Variants in CLDND2 observed in about 807,000 individuals in gnomAD.
The protein encoded by CLDND2 is claudin domain containing 2, also known as claudin domain-containing protein 2.
CLDND2 carries 18 observed loss-of-function variants against 17.7 expected under a neutral mutation model. That is an observed-to-expected ratio of 1.02 (90% CI 0.70 to 1.51). CLDND2 has a LOEUF of 1.51. CLDND2 is among the 40% of genes most tolerant of loss of function. The pLI is 0.00. For synonymous variants in CLDND2, 113 were observed against 93.0 expected (o/e 1.22, Z -1.24); for missense variants, 233 against 219.6 (o/e 1.06, Z -0.39).
intron 1 of CLDND2, 173 bp downstream of exon 1, chr19:51,368,236 G>A: frequency 2.1e-6 from 2 of 931,840 alleles, no homozygotes; most frequent in Non-Finnish European, 3.2e-6. Context: ...GGAGGGGGTC[G>A]GGGACAAGCC....
At position 51,368,015 on chromosome 19, in the gene CLDND2, C is replaced by T; in HGVS notation, c.181G>A (p.Val61Met). The T allele has an allele frequency of 1.2e-6, 2 of 1,610,036 alleles. No homozygotes were observed. The highest frequency in any genetic ancestry group is 1.3e-5 in the African/African-American group (1 of 74,956). The stretch of plus-strand genomic sequence containing the variant: ...GCCAGCACCATGCACGCCACAGTCA[C>T]CGCCAGCGTGGCTGGGGAGAGCGGG... ...SSIPCQTTLA[V>M]TVACMVLAVG... The change falls in exon 2 of 4, where the codon GTG becomes ATG. Residue 61 changes from valine (V) to methionine (M), a missense_variant. Val to Met is a conservative substitution (Grantham distance 21). Transcript: ENST00000291715.
chr19:51,367,501 G>A lies in CLDND2; in HGVS notation c.386C>T (p.Ser129Phe). 1 of 1,608,276 alleles carries A rather than the reference G, an allele frequency of 6.2e-7. No individual in the cohort carries two copies. Among genetic ancestry groups the A allele is most frequent in the Non-Finnish European group, 8.5e-7 (1 of 1,177,054 alleles). The part of the protein sequence containing the change: ...AWKNNVFFSW[S>F]YFSGWLALPF... ...TAAGGCCAGCCACCCAGAAAAATAGGACCAAGAGAAGAAGACGTTGTTCTT... is the reference window on the plus strand; with the variant it reads ...TAAGGCCAGCCACCCAGAAAAATAGAACCAAGAGAAGAAGACGTTGTTCTT... The change falls in exon 3 of 4, where the codon TCC becomes TTC. Residue 129 changes from serine (S) to phenylalanine (F), a missense_variant. Physicochemically the swap from Ser to Phe is radical, Grantham distance 155 (BLOSUM62 -2). Coordinates refer to ENST00000291715, the MANE Select transcript of CLDND2 (RefSeq NM_152353.3). The surrounding 1 kb of genome is among the most constrained non-coding windows in gnomAD (Gnocchi z 7.4).
At position 51,367,267 on chromosome 19, in the gene CLDND2, A is replaced by T; in HGVS notation, c.431-52T>A. 2 of 1,594,036 alleles carry T rather than the reference A, an allele frequency of 1.3e-6. No homozygotes were observed. Among genetic ancestry groups the T allele is most frequent in the South Asian group, 2.2e-5 (2 of 90,632 alleles). On this transcript the variant is annotated intron_variant, in intron 3 of 3. Transcript: ENST00000291715. This position sits in a 1 kb window ranked among gnomAD's most constrained non-coding sequence, Gnocchi z 7.4. ...GAGAGGAAGGTGGGCCCTGGGGCGG[A>T]TGGCCGGGAGGGCCCCGGGGACTGG...
Position 51,367,342 on chromosome 19 carries a change from G to A in CLDND2, c.430+115C>T. On this transcript the variant is annotated intron_variant, in intron 3 of 3. Transcript: ENST00000291715. The surrounding 1 kb of genome is among the most constrained non-coding windows in gnomAD (Gnocchi z 7.4). ...TGCCGGGTCTGCGGGAGTCGTTAGT[G>A]TGTTGGGGAGTCCCCGAGAGGTCCC... The A allele has an allele frequency of 7.4e-7, 1 of 1,352,880 alleles. No homozygotes were observed. The highest frequency in any genetic ancestry group is 1.0e-6 in the Non-Finnish European group (1 of 963,090). The allele number at this position is 1,352,880 out of a possible 1,614,324, so 83.8% of individuals were successfully genotyped here. A position where few individuals can be genotyped will look rare whatever the true frequency, so the allele number is the denominator to read the frequency against.
In CLDND2 at chr19:51,367,159, A is replaced by C; in HGVS notation, c.487T>G (p.Phe163Val). 6.2e-7 allele frequency: 1 copy of C among 1,614,242 alleles called. No individual in the cohort carries two copies. Among genetic ancestry groups the C allele is most frequent in the East Asian group, 2.2e-5 (1 of 44,878 alleles). Reference protein sequence around the residue: ...IMQSTDAISGFPVCL With the variant: ...IMQSTDAISGVPVCL ...GGCTGCAGTCACAGACACACGGGGA[A>C]TCCACTGATGGCGTCGGTGCTCTGC... Residue 163 changes from phenylalanine to valine, a missense_variant, in exon 4 of 4, where the codon TTC (phenylalanine) becomes GTC (valine). Coordinates refer to ENST00000291715, the MANE Select transcript of CLDND2 (RefSeq NM_152353.3). The surrounding 1 kb of genome is among the most constrained non-coding windows in gnomAD (Gnocchi z 7.4).
Position 51,368,634 on chromosome 19 carries a change from C to T in CLDND2, c.-57G>A. 1 of 1,487,256 alleles carries T rather than the reference C, an allele frequency of 6.7e-7. No individual in the cohort carries two copies. The highest frequency in any genetic ancestry group is 2.4e-5 in the East Asian group (1 of 41,650). The allele number at this position is 1,487,256 out of a possible 1,614,324, so 92.1% of individuals were successfully genotyped here. ...GCAGGATGGGCCCAGGCCTTTCCTACCCCGAGGCCCCCAGCTGAGGAGCCC... is the reference window on the plus strand; with the variant it reads ...GCAGGATGGGCCCAGGCCTTTCCTATCCCGAGGCCCCCAGCTGAGGAGCCC... On this transcript the variant is annotated 5_prime_UTR_variant, in exon 1 of 4. Coordinates refer to ENST00000291715, the MANE Select transcript of CLDND2 (RefSeq NM_152353.3).
downstream of CLDND2, chr19:51,366,995 T>A (rs548057398): frequency 3.5e-4 from 253 of 715,388 alleles, 1 homozygote; most frequent in South Asian, 2.0e-3. Context: ...TCTCCCTGTC[T>A]CCACGTTCCC....
rs1194675744 is a variant in CLDND2, at chr19:51,367,428, C to T, written c.430+29G>A. On this transcript the variant is annotated intron_variant, in intron 3 of 3. Transcript: ENST00000291715. This position sits in a 1 kb window ranked among gnomAD's most constrained non-coding sequence, Gnocchi z 7.4. ...GGGTGAGGGTCTTCTGGGCAGTCTC[C>T]TCCACCCTCTTCCCGCTGTCCAGTT... 1 of 1,581,580 alleles carries T rather than the reference C, an allele frequency of 6.3e-7. No homozygotes were observed. The highest frequency in any genetic ancestry group is 8.6e-7 in the Non-Finnish European group (1 of 1,161,476).
chr19:51,367,490 C>A lies in CLDND2; in HGVS notation c.397G>T (p.Gly133Trp). 1.2e-6 allele frequency: 2 copies of A among 1,606,044 alleles called. No homozygotes were observed. Among genetic ancestry groups the A allele is most frequent in the Non-Finnish European group, 8.5e-7 (1 of 1,175,804 alleles). The part of the protein sequence containing the change: ...NVFFSWSYFS[G>W]WLALPFSILA... ...ATTGAGAAGGGTAAGGCCAGCCACC[C>A]AGAAAAATAGGACCAAGAGAAGAAG... Residue 133 changes from glycine (G) to tryptophan (W), a missense_variant, in exon 3 of 4, where the codon GGG (glycine) becomes TGG (tryptophan). Physicochemically the swap from Gly to Trp is radical, Grantham distance 184. Coordinates refer to ENST00000291715, the MANE Select transcript of CLDND2 (RefSeq NM_152353.3). This position sits in a 1 kb window ranked among gnomAD's most constrained non-coding sequence, Gnocchi z 7.4.
At chr19:51,366,816 C>G (rs144328829), downstream of CLDND2, among the ~76,000 whole-genome samples, 172 of 152,164 alleles carry the variant, frequency 1.1e-3, no homozygotes, top group East Asian at 0.03. Flanking sequence ...TGTTCCCTGT[C>G]CCTTCCATAT....
chr19:51,368,175 G>T, intron 1 of CLDND2, 149 bp from the exon 2 acceptor site: 1 of 959,258 alleles, frequency 1.0e-6, no homozygotes, highest in Non-Finnish European at 1.5e-6. Flanking sequence ...CGTTTGGATT[G>T]AGACTTGGAG....
Position 51,367,443 on chromosome 19 carries a change from G to T in CLDND2, c.430+14C>A, listed in dbSNP as rs371613625. The T allele has an allele frequency of 1.3e-6, 2 of 1,590,468 alleles. No homozygotes were observed. Among genetic ancestry groups the T allele is most frequent in the East Asian group, 4.5e-5 (2 of 44,220 alleles). ...GGGCAGTCTCCTCCACCCTCTTCCC[G>T]CTGTCCAGTTTACCCGCGAGAATTG... On this transcript the variant is annotated intron_variant, in intron 3 of 3. Coordinates refer to ENST00000291715, the MANE Select transcript of CLDND2 (RefSeq NM_152353.3). The surrounding 1 kb of genome is among the most constrained non-coding windows in gnomAD (Gnocchi z 7.4).
rs1440816709 is a variant in CLDND2, at chr19:51,367,225, C to T, written c.431-10G>A. ...AGCAGAAAGCAGAAGCCTGGGGGGA[C>T]GGGGGTGCGGAGCAGGGAGAGGAAG... is the stretch of plus-strand genomic sequence containing the variant. On this transcript the variant is annotated splice_polypyrimidine_tract_variant and intron_variant, in intron 3 of 3. Coordinates refer to ENST00000291715, the MANE Select transcript of CLDND2 (RefSeq NM_152353.3). The surrounding 1 kb of genome is among the most constrained non-coding windows in gnomAD (Gnocchi z 7.4). The T allele has an allele frequency of 1.2e-6, 2 of 1,613,728 alleles. No individual in the cohort carries two copies. Among genetic ancestry groups the T allele is most frequent in the Non-Finnish European group, 1.7e-6 (2 of 1,179,918 alleles).
rs550109619 is a variant in CLDND2, at chr19:51,367,908, C to G, written c.288G>C (p.Thr96=). ...DEGESLRGQT[T]SAFLFLGGLL... Reference sequence around the variant, plus strand: ...CACCGCCGAGGAAGAGGAAGGCGCTCGTGGTCTGGCCCCGCAGCGACTCGC... The same window carrying G: ...CACCGCCGAGGAAGAGGAAGGCGCTGGTGGTCTGGCCCCGCAGCGACTCGC... Residue 96 remains threonine (T), a synonymous_variant, in exon 2 of 4, where the codon ACG becomes ACC. Coordinates refer to ENST00000291715, the MANE Select transcript of CLDND2 (RefSeq NM_152353.3). This position sits in a 1 kb window ranked among gnomAD's most constrained non-coding sequence, Gnocchi z 7.4. 4 of 1,612,266 alleles carry G rather than the reference C, an allele frequency of 2.5e-6. No homozygotes were observed. Among genetic ancestry groups the G allele is most frequent in the Non-Finnish European group, 3.4e-6 (4 of 1,179,750 alleles).
In CLDND2 at chr19:51,368,415, A is replaced by G. The variant is rs1431258664; in HGVS notation, c.163T>C (p.Cys55Arg). Residue 55 changes from cysteine to arginine, a missense_variant, in exon 1 of 4, where the codon TGC becomes CGC. Cys to Arg is a radical substitution (Grantham distance 180). Transcript: ENST00000291715. Reference sequence around the variant, plus strand: ...TGGGCGGGCGGAGCCTCACTCTGGCAGGGGATGCTGGAGCAGATGCCGTGG... The same window carrying G: ...TGGGCGGGCGGAGCCTCACTCTGGCGGGGGATGCTGGAGCAGATGCCGTGG... ...CNHGICSSIP[C>R]QTTLAVTVAC... 1.4e-5 allele frequency: 22 copies of G among 1,611,708 alleles called. No individual in the cohort carries two copies. The highest frequency in any genetic ancestry group is 1.9e-5 in the Non-Finnish European group (22 of 1,179,404).
intron 1 of CLDND2, 100 bp from the exon 2 acceptor site, chr19:51,368,126 G>T: frequency 1.5e-6 from 2 of 1,318,754 alleles, no homozygotes; most frequent in African/African-American, 1.5e-5. Flanking sequence ...CCAACCCGGT[G>T]TGTGGCCAGG....
chr19:51,368,906 C>A lies in CLDND2; in HGVS notation c.-329G>T. ...CAGCCGAACGCCCTTTCAGCCCAGC[C>A]TGTTCAATGTCCTCCCCAGACACCC... On this transcript the variant is annotated 5_prime_UTR_variant, in exon 1 of 4. The change creates a new upstream start codon in the 5' untranslated region. Transcript: ENST00000291715. 3.8e-6 allele frequency: 1 copy of A among 260,528 alleles called. No individual in the cohort carries two copies. The highest frequency in any genetic ancestry group is 5.5e-5 in the South Asian group (1 of 18,228). 16.1% of individuals were successfully genotyped at this position (260,528 alleles called of 1,614,324 possible). A position where few individuals can be genotyped will look rare whatever the true frequency, so the allele number is the denominator to read the frequency against.
Position 51,368,899 on chromosome 19 carries a change from GC to G in CLDND2, c.-323del. 3.7e-6 allele frequency: 1 copy of G among 272,592 alleles called. No homozygotes were observed. 16.9% of individuals were successfully genotyped at this position (272,592 alleles called of 1,614,324 possible). Reference sequence around the variant, plus strand: ...CCCCCGACAGCCGAACGCCCTTTCAGCCCAGCCTGTTCAATGTCCTCCCCAG... The same window carrying G: ...CCCCCGACAGCCGAACGCCCTTTCAGCCAGCCTGTTCAATGTCCTCCCCAG... On this transcript the variant is annotated 5_prime_UTR_variant, in exon 1 of 4. Transcript: ENST00000291715.
chr19:51,367,727 C>G lies in CLDND2; in HGVS notation c.311-151G>C. ...CAGGCCCCTTCCTGCTCCTCCCGCT[C>G]TGAACTCTGTCTCGAGCCCCGCCCA... On this transcript the variant is annotated intron_variant, in intron 2 of 3. Transcript: ENST00000291715. The surrounding 1 kb of genome is among the most constrained non-coding windows in gnomAD (Gnocchi z 7.4). 8 of 1,482,332 alleles carry G rather than the reference C, an allele frequency of 5.4e-6. No individual in the cohort carries two copies. Among genetic ancestry groups the G allele is most frequent in the Non-Finnish European group, 7.2e-6 (8 of 1,118,510 alleles). 91.8% of individuals were successfully genotyped at this position (1,482,332 alleles called of 1,614,324 possible).
Sources: allele counts gnomAD v4.1 joint callset (sites outside exome capture counted in the v4.1 genomes callset), GRCh38; gene constraint gnomAD v4.1.1; non-coding constraint Gnocchi (gnomAD v3.1); transcripts MANE v1.5; gene names NCBI Gene and HGNC (gene_info 2026-07-23, HGNC 2026-07-21).